PDE4D: variants seen among roughly 807,000 people sequenced by gnomAD.
The protein encoded by PDE4D is 3',5'-cyclic-AMP phosphodiesterase 4D.
In PDE4D, 24 loss-of-function variants were observed where a neutral mutation model predicts 87.4. That is an observed-to-expected ratio of 0.27 (90% CI 0.20 to 0.39). The LOEUF is 0.39. Among genes scored for constraint, PDE4D ranks in the 10% least tolerant of loss-of-function variants. The probability of loss-of-function intolerance (pLI) is 1.00; values close to 1 mark genes in which losing one functional copy is unlikely to be tolerated. For synonymous variants in PDE4D, 384 were observed against 383.2 expected (o/e 1.00, Z -0.02); for missense variants, 714 against 1,041.0 (o/e 0.69, Z 4.32).
intron 1 of PDE4D, among the ~76,000 whole-genome samples, chr5:59,563,254 G>A (rs1485965562): frequency 1.3e-5 from 2 of 152,170 alleles, no homozygotes; most frequent in Non-Finnish European, 2.9e-5. Flanking sequence ...GACCGCAGAG[G>A]AATTTCAGCA....
chr5:59,199,867 T>C (rs575665778), intron 2 of PDE4D, among the ~76,000 whole-genome samples: 1 of 151,924 alleles, frequency 6.6e-6, no homozygotes, highest in Non-Finnish European at 1.5e-5. Context: ...CATGTACATA[T>C]ATACATACAT....
chr5:59,246,413 G>A (rs768557138), intron 1 of PDE4D, among the ~76,000 whole-genome samples: 1 of 152,082 alleles, frequency 6.6e-6, no homozygotes, highest in Non-Finnish European at 1.5e-5. Context: ...TCATGATGTT[G>A]ATAATTCTGT....
intron 1 of PDE4D, among the ~76,000 whole-genome samples, chr5:60,317,272 C>T (rs541861695): frequency 2.2e-3 from 340 of 152,240 alleles, no homozygotes; most frequent in African/African-American, 7.2e-3. Flanking sequence ...AGTTTATTTG[C>T]ATAGAGGTGT....
chr5:59,041,676 C>G (rs12697174), intron 5 of PDE4D, among the ~76,000 whole-genome samples: 1,990 of 152,284 alleles, frequency 0.013, 53 homozygotes, highest in African/African-American at 0.046. Context: ...CTCTCCCCTG[C>G]ACTCCAACTT....
intron 1 of PDE4D, among the ~76,000 whole-genome samples, chr5:60,318,392 T>C (rs1755851546): frequency 6.6e-6 from 1 of 152,212 alleles, no homozygotes; most frequent in African/African-American, 2.4e-5. Context: ...GCACGTGAGA[T>C]GGGTTTCCTG....
intron 1 of PDE4D, among the ~76,000 whole-genome samples, chr5:59,559,273 G>A (rs2153690920): frequency 1.3e-5 from 2 of 152,162 alleles, no homozygotes; most frequent in South Asian, 4.2e-4. Context: ...TAAAATATAT[G>A]CCAATTATGC....
At chr5:58,991,651 C>G (rs1027298244) in intron 8 of PDE4D, among the ~76,000 whole-genome samples, 181 bp downstream of exon 8, 4 of 151,768 alleles carry the variant, frequency 2.6e-5, no homozygotes, top group African/African-American at 9.7e-5. Context: ...CTAAAACATA[C>G]CAAACCACCT....
At chr5:60,397,635 C>T (rs1006485069) in intron 1 of PDE4D, among the ~76,000 whole-genome samples, 3 of 152,090 alleles carry the variant, frequency 2.0e-5, no homozygotes, top group East Asian at 3.9e-4. Flanking sequence ...TTACTGGGGG[C>T]TAGGGACAGA....
intron 1 of PDE4D, among the ~76,000 whole-genome samples, chr5:59,880,186 A>C (rs1420343529): frequency 6.6e-6 from 1 of 151,878 alleles, no homozygotes; most frequent in Non-Finnish European, 1.5e-5. Context: ...GCTCACTGTA[A>C]CCTTGAACCC....
At chr5:60,460,741 C>T in intron 1 of PDE4D, 1 of 690,448 alleles carries the variant, frequency 1.4e-6, no homozygotes, top group Non-Finnish European at 2.5e-6. Flanking sequence ...GGGGGCCATG[C>T]TGCTAGGGAA....
At chr5:59,376,451 A>G (rs923353191) in intron 1 of PDE4D, among the ~76,000 whole-genome samples, 1 of 152,208 alleles carries the variant, frequency 6.6e-6, no homozygotes, top group Middle Eastern at 3.2e-3. Context: ...CAAAAAGAAT[A>G]AAATACCTAG....
chr5:59,115,186 A>G (rs1453458244), intron 5 of PDE4D, among the ~76,000 whole-genome samples: 1 of 152,156 alleles, frequency 6.6e-6, no homozygotes, highest in African/African-American at 2.4e-5. Context: ...ATAATATAGA[A>G]GAGCAATACA....
intron 1 of PDE4D, among the ~76,000 whole-genome samples, chr5:60,440,239 T>A (rs1480652942): frequency 6.6e-6 from 1 of 152,152 alleles, no homozygotes; most frequent in Admixed American, 6.6e-5. Flanking sequence ...AGTTTGATAA[T>A]GATGATTTCT....
chr5:60,504,260 G>A (rs1157644808), intron 1 of PDE4D, among the ~76,000 whole-genome samples: 1 of 109,936 alleles, frequency 9.1e-6, no homozygotes, highest in African/African-American at 3.9e-5. Flanking sequence ...ATGTCTTTAT[G>A]CATTTTTTTT....
At chr5:59,060,630 G>A (rs1049373095) in intron 5 of PDE4D, among the ~76,000 whole-genome samples, 3 of 152,014 alleles carry the variant, frequency 2.0e-5, no homozygotes, top group Non-Finnish European at 4.4e-5. Flanking sequence ...ATTTCACACC[G>A]AGGTAATAAG....
At chr5:59,356,897 T>G in intron 1 of PDE4D, 4 of 1,487,268 alleles carry the variant, frequency 2.7e-6, no homozygotes, top group Non-Finnish European at 3.5e-6. Flanking sequence ...TCAGAGCTGG[T>G]GCGGGGCTCT....
intron 1 of PDE4D, among the ~76,000 whole-genome samples, chr5:60,450,824 A>T (rs1386639950): frequency 1.3e-5 from 2 of 152,136 alleles, no homozygotes; most frequent in African/African-American, 4.8e-5. Flanking sequence ...GACTACAAAT[A>T]TATAAATGCT....
rs749414789 is a variant in PDE4D, at chr5:59,221,188, G to A, written c.456-5220C>T. 4.8e-4 allele frequency among the ~76,000 whole-genome samples: 73 copies of A among 152,104 alleles called. 1 individual carries two copies. Among genetic ancestry groups the A allele is most frequent in the Non-Finnish European group, 8.1e-4 (55 of 68,016 alleles). On this transcript the variant is annotated intron_variant, in intron 1 of 14. Coordinates refer to ENST00000340635, the MANE Select transcript of PDE4D (RefSeq NM_001104631.2). Reference sequence around the variant, plus strand: ...CAAGCTGTCTGATTCTAAGGCTGGGGAGAATGGACTCTGTTTACACCTCTA... The same window carrying A: ...CAAGCTGTCTGATTCTAAGGCTGGGAAGAATGGACTCTGTTTACACCTCTA...
At chr5:59,435,665 C>T (rs560035037) in intron 1 of PDE4D, among the ~76,000 whole-genome samples, 122 of 152,264 alleles carry the variant, frequency 8.0e-4, no homozygotes, top group African/African-American at 2.7e-3. Context: ...GGAATTCTGC[C>T]TTCTTTGACC....
Sources: allele counts gnomAD v4.1 joint callset (sites outside exome capture counted in the v4.1 genomes callset), GRCh38; gene constraint gnomAD v4.1.1; transcripts MANE v1.5; gene names NCBI Gene and HGNC (gene_info 2026-07-23, HGNC 2026-07-21).